Variants in HS6ST3 observed in about 807,000 individuals in gnomAD.
HS6ST3 encodes heparan sulfate 6-O-sulfotransferase 3, also known as heparan-sulfate 6-O-sulfotransferase 3.
HS6ST3 carries 12 observed loss-of-function variants against 36.7 expected under a neutral mutation model. The ratio of observed to expected loss-of-function variants is 0.33; its 90% confidence interval spans 0.21 to 0.53. The LOEUF (loss-of-function observed/expected upper bound fraction) is 0.53, where lower values mean the gene tolerates loss of function less well. Among genes scored for constraint, HS6ST3 ranks in the 20% least tolerant of loss-of-function variants. The probability of loss-of-function intolerance (pLI) is 0.95; values close to 1 mark genes in which losing one functional copy is unlikely to be tolerated. For missense variants in HS6ST3, 584 were observed against 640.9 expected (o/e 0.91, Z 0.96); for synonymous variants, 240 against 257.5 (o/e 0.93, Z 0.65).
At chr13:96,396,314 G>T (rs603250) in intron 1 of HS6ST3, among the ~76,000 whole-genome samples, 74,892 of 151,252 alleles carry the variant, frequency 0.5, 18,933 homozygotes, top group Middle Eastern at 0.6. Context: ...ACTCTGTTTT[G>T]TTTGTTTGTT....
intron 1 of HS6ST3, among the ~76,000 whole-genome samples, chr13:96,211,767 T>C (rs2054400327): frequency 1.3e-5 from 2 of 152,224 alleles, no homozygotes; most frequent in African/African-American, 4.8e-5. Context: ...AAATTTTACA[T>C]TCAGGTTGTA....
At chr13:96,530,207 G>C (rs954935834) in intron 1 of HS6ST3, among the ~76,000 whole-genome samples, 2 of 152,138 alleles carry the variant, frequency 1.3e-5, no homozygotes, top group African/African-American at 4.8e-5. Flanking sequence ...TGAAGTTTGG[G>C]AGTAAGGACT....
chr13:96,616,525 C>T (rs1440766517), intron 1 of HS6ST3, among the ~76,000 whole-genome samples: 4 of 152,120 alleles, frequency 2.6e-5, no homozygotes, highest in Non-Finnish European at 5.9e-5. Flanking sequence ...CTAAGTACCC[C>T]TGCTCCCAGG....
intron 1 of HS6ST3, among the ~76,000 whole-genome samples, chr13:96,366,810 G>A (rs578143589): frequency 2.6e-5 from 4 of 152,240 alleles, no homozygotes; most frequent in African/African-American, 9.6e-5. Context: ...TCAAGGGTGG[G>A]GCCAGGTAAA....
At chr13:96,609,656 G>C (rs765478314) in intron 1 of HS6ST3, among the ~76,000 whole-genome samples, 1 of 152,124 alleles carries the variant, frequency 6.6e-6, no homozygotes, top group African/African-American at 2.4e-5. Context: ...TGATCCATCT[G>C]TAGCCCTCTC....
chr13:96,271,347 T>A (rs1486418334), intron 1 of HS6ST3, among the ~76,000 whole-genome samples: 3 of 151,940 alleles, frequency 2.0e-5, no homozygotes, highest in Non-Finnish European at 4.4e-5. Flanking sequence ...TTAAAATTTA[T>A]ATAATTTAAT....
intron 1 of HS6ST3, among the ~76,000 whole-genome samples, chr13:96,414,868 A>T (rs561032650): frequency 2.0e-5 from 3 of 152,264 alleles, no homozygotes; most frequent in Non-Finnish European, 4.4e-5. Flanking sequence ...TACAAAATTG[A>T]CTGTTTCAGA....
intron 1 of HS6ST3, among the ~76,000 whole-genome samples, chr13:96,160,488 C>T (rs541222256): frequency 6.6e-6 from 1 of 152,268 alleles, no homozygotes; most frequent in African/African-American, 2.4e-5. Flanking sequence ...TCCAAGCTGT[C>T]CCGTTCTTAT....
chr13:96,185,577 C>T (rs980714385), intron 1 of HS6ST3, among the ~76,000 whole-genome samples: 6 of 152,182 alleles, frequency 3.9e-5, no homozygotes, highest in African/African-American at 1.4e-4. Context: ...AACACACACT[C>T]TTATCATTGT....
intron 1 of HS6ST3, among the ~76,000 whole-genome samples, chr13:96,403,989 T>A (rs2055464424): frequency 6.6e-6 from 1 of 152,188 alleles, no homozygotes. Context: ...ATGGGAAGTG[T>A]CTCCATATTT....
At chr13:96,417,358 G>A (rs78803325) in intron 1 of HS6ST3, among the ~76,000 whole-genome samples, 1,699 of 152,158 alleles carry the variant, frequency 0.011, 34 homozygotes, top group African/African-American at 0.038. Context: ...CTTCTTCATA[G>A]CCAGCCAAGA....
At chr13:96,134,946 ACT>A (rs1423985751) in intron 1 of HS6ST3, among the ~76,000 whole-genome samples, 1 of 152,042 alleles carries the variant, frequency 6.6e-6, no homozygotes, top group African/African-American at 2.4e-5. Context: ...TGTATATTAG[ACT>A]CTGCACAGTC....
intron 1 of HS6ST3, among the ~76,000 whole-genome samples, chr13:96,656,656 G>C (rs1260535403): frequency 6.6e-6 from 1 of 152,098 alleles, no homozygotes; most frequent in Non-Finnish European, 1.5e-5. Flanking sequence ...ACAATGTGCG[G>C]CTCTGAGCTC....
rs1440717418 is a variant in HS6ST3, at chr13:96,283,371, G to A, written c.707+191802G>A. 7.2e-5 allele frequency among the ~76,000 whole-genome samples: 11 copies of A among 152,104 alleles called. No individual in the cohort carries two copies. The East Asian group carries it at 1.7e-3, about 24-fold the overall frequency. On this transcript the variant is annotated intron_variant, in intron 1 of 1. Coordinates refer to ENST00000376705, the MANE Select transcript of HS6ST3 (RefSeq NM_153456.4). ...TTATGACTGCAAAGATTATTTTCAT[G>A]CTAATGAGGTTGTTTCCTCATTTTT...
intron 1 of HS6ST3, among the ~76,000 whole-genome samples, chr13:96,724,543 T>C (rs1875950667): frequency 6.6e-6 from 1 of 152,222 alleles, no homozygotes; most frequent in Admixed American, 6.5e-5. Flanking sequence ...CCCATCCCTA[T>C]CTAGCAAACA....
At chr13:96,574,596 A>G in intron 1 of HS6ST3, 1 of 240,482 alleles carries the variant, frequency 4.2e-6, no homozygotes, top group East Asian at 9.8e-5. Flanking sequence ...TGGTCCAGTT[A>G]CTTCTATTAC....
chr13:96,399,798 T>C (rs905791997), intron 1 of HS6ST3, among the ~76,000 whole-genome samples: 2 of 152,252 alleles, frequency 1.3e-5, no homozygotes, highest in African/African-American at 4.8e-5. Context: ...AGACATAAGT[T>C]TAATAAGTTT....
At chr13:96,286,031 C>G (rs1293259502) in intron 1 of HS6ST3, among the ~76,000 whole-genome samples, 1 of 149,888 alleles carries the variant, frequency 6.7e-6, no homozygotes, top group Non-Finnish European at 1.5e-5. Flanking sequence ...TTCTTCCTGC[C>G]TCTCTTTCTC....
intron 1 of HS6ST3, among the ~76,000 whole-genome samples, chr13:96,468,075 C>T (rs1367741115): frequency 6.6e-6 from 1 of 152,142 alleles, no homozygotes; most frequent in Non-Finnish European, 1.5e-5. Context: ...CATCTAAGGG[C>T]TATGTTTTCC....
Sources: gnomAD v4.1 joint callset for allele counts (sites outside exome capture counted in the v4.1 genomes callset) on GRCh38, gnomAD v4.1.1 for gene constraint, MANE v1.5 for transcripts, NCBI Gene and HGNC (gene_info 2026-07-23, HGNC 2026-07-21) for gene names.